ADGRL4: variants seen among roughly 807,000 people sequenced by gnomAD.
ADGRL4 encodes EGF, latrophilin and seven transmembrane domain containing 1.
In ADGRL4, 90 loss-of-function variants were observed where a neutral mutation model predicts 74.8. The ratio of observed to expected loss-of-function variants is 1.20; its 90% CI spans 1.02 to 1.43. The LOEUF is 1.43. ADGRL4 is among the 40% of genes most tolerant of loss of function. ADGRL4 has a pLI of 0.00. For missense variants in ADGRL4, 881 were observed against 814.3 expected, an observed-to-expected ratio of 1.08 and a Z score of -1.00; for synonymous variants, 311 against 279.2, an observed-to-expected ratio of 1.11 and a Z score of -1.14.
intron 1 of ADGRL4, 46 bp from the exon 2 acceptor site, chr1:79,005,265 A>C: frequency 7.2e-7 from 1 of 1,384,400 alleles, no homozygotes; most frequent in East Asian, 2.5e-5. Context: ...TAAAACAAAC[A>C]TCTCTCCCCA....
intron 2 of ADGRL4, among the ~76,000 whole-genome samples, chr1:78,996,667 T>A (rs1650722126): frequency 6.6e-6 from 1 of 152,210 alleles, no homozygotes; most frequent in Non-Finnish European, 1.5e-5. Flanking sequence ...CTTCCATGGT[T>A]GATCCTCTGT....
chr1:78,901,689 T>C (rs1325184414), intron 12 of ADGRL4, among the ~76,000 whole-genome samples: 1 of 152,202 alleles, frequency 6.6e-6, no homozygotes, highest in Admixed American at 6.5e-5. Flanking sequence ...ACAGCAAGTA[T>C]GATGCCACAG....
chr1:78,905,533 C>G (rs1406909069), intron 12 of ADGRL4, among the ~76,000 whole-genome samples: 1 of 151,958 alleles, frequency 6.6e-6, no homozygotes, highest in Non-Finnish European at 1.5e-5. Context: ...TTGATCACAA[C>G]TATGCCATAC....
chr1:79,005,938 A>C (rs116215139), intron 1 of ADGRL4, among the ~76,000 whole-genome samples: 7,348 of 152,314 alleles, frequency 0.048, 238 homozygotes, highest in Non-Finnish European at 0.073. Flanking sequence ...ACAAAAAAAA[A>C]TGAAACAAAA....
At chr1:78,947,526 T>C (rs1345682695) in intron 2 of ADGRL4, among the ~76,000 whole-genome samples, 1 of 152,150 alleles carries the variant, frequency 6.6e-6, no homozygotes. Flanking sequence ...GACACCTTGA[T>C]TTTAGACTTT....
chr1:78,948,708 G>A (rs1306770381), intron 2 of ADGRL4, among the ~76,000 whole-genome samples: 1 of 152,046 alleles, frequency 6.6e-6, no homozygotes, highest in Non-Finnish European at 1.5e-5. Context: ...GTATGTCTAT[G>A]AATGCATAAA....
intron 2 of ADGRL4, among the ~76,000 whole-genome samples, chr1:78,978,453 G>A (rs1650333236): frequency 6.6e-6 from 1 of 151,838 alleles, no homozygotes; most frequent in Non-Finnish European, 1.5e-5. Flanking sequence ...ACAATTTCCA[G>A]GTAAAAAATA....
intron 2 of ADGRL4, among the ~76,000 whole-genome samples, chr1:78,990,653 C>T (rs1650589186): frequency 6.6e-6 from 1 of 151,800 alleles, no homozygotes; most frequent in Non-Finnish European, 1.5e-5. Flanking sequence ...AATTCAAAGA[C>T]CAAAACACAT....
intron 2 of ADGRL4, among the ~76,000 whole-genome samples, chr1:78,965,385 A>C (rs1650035013): frequency 6.6e-6 from 1 of 152,196 alleles, no homozygotes; most frequent in African/African-American, 2.4e-5. Context: ...CAAACTTTGC[A>C]GACTAATAGA....
chr1:78,891,362 A>G (rs1384929073), intron 14 of ADGRL4, 146 bp from the exon 15 acceptor site: 13 of 1,214,930 alleles, frequency 1.1e-5, no homozygotes, highest in Non-Finnish European at 1.1e-6. Context: ...TTATATCCCT[A>G]ATACCAAGGT....
At chr1:78,892,185 G>A (rs372102927) in intron 13 of ADGRL4, among the ~76,000 whole-genome samples, 2 of 152,102 alleles carry the variant, frequency 1.3e-5, no homozygotes, top group African/African-American at 2.4e-5. Flanking sequence ...AGAAACGAAC[G>A]TGTAGGATAT....
At position 78,926,921 on chromosome 1, in the gene ADGRL4, G is replaced by C; in HGVS notation, c.1048C>G (p.Leu350Val). The C allele has an allele frequency of 6.2e-7, 1 of 1,611,620 alleles. No individual in the cohort carries two copies. The highest frequency in any genetic ancestry group is 8.5e-7 in the Non-Finnish European group (1 of 1,178,610). The change falls in exon 8 of 15, where the codon CTT becomes GTT. Residue 350 changes from leucine (L) to valine (V), a missense_variant. By Grantham distance (32) the Leu-to-Val change is conservative. Coordinates refer to ENST00000370742, the MANE Select transcript of ADGRL4 (RefSeq NM_022159.4). The stretch of plus-strand genomic sequence containing the variant: ...CTTAATGTAAATGTTATTTTTTCAA[G>C]TTCATATAATGTGGGTGGGTTTGAG... ...MSSNPPTLYE[L>V]EKITFTLSHR...
intron 8 of ADGRL4, among the ~76,000 whole-genome samples, chr1:78,925,752 T>A (rs1649096714): frequency 6.6e-6 from 1 of 152,056 alleles, no homozygotes; most frequent in African/African-American, 2.4e-5. Flanking sequence ...TTTGTTTAAA[T>A]ACGCGTTTTG....
chr1:78,936,318 C>A lies in ADGRL4; in HGVS notation c.854G>T (p.Arg285Ile). The stretch of plus-strand genomic sequence containing the variant: ...ACCATTTGAATCATATGCAGCTTTT[C>A]TCTTTGGAAATATATTTATGTAGTC... ...DGDYINIFPK[R>I]KAAYDSNGNV... The change falls in exon 7 of 15, where the codon AGA becomes ATA. Residue 285 changes from arginine to isoleucine, a missense_variant. Arg to Ile is a moderately conservative substitution (Grantham distance 97). Coordinates refer to ENST00000370742, the MANE Select transcript of ADGRL4 (RefSeq NM_022159.4). 1 of 1,593,162 alleles carries A rather than the reference C, an allele frequency of 6.3e-7. No individual in the cohort carries two copies. The highest frequency in any genetic ancestry group is 8.5e-7 in the Non-Finnish European group (1 of 1,171,730).
intron 12 of ADGRL4, among the ~76,000 whole-genome samples, chr1:78,912,948 C>T (rs973297410): frequency 2.6e-5 from 4 of 151,636 alleles, no homozygotes; most frequent in Non-Finnish European, 4.4e-5. Context: ...GAAGAAAAAA[C>T]AAACAACCCC....
chr1:78,996,338 C>CAGCTAATAT (rs112588621), intron 2 of ADGRL4, among the ~76,000 whole-genome samples: 65,438 of 151,474 alleles, frequency 0.43, 14,080 homozygotes, highest in East Asian at 0.59. Context: ...GATGTTAAGT[C>CAGCTAATAT]AGCTAATATA....
rs553060670 is a variant in ADGRL4 at position 78,946,565 on chromosome 1, G to C, written c.173-139C>G. 6.2e-5 allele frequency: 40 copies of C among 645,886 alleles called. No individual in the cohort carries two copies. In the South Asian group the frequency reaches 1.0e-3, roughly 17 times the overall value. The allele number at this position is 645,886 out of a possible 1,614,324, so 40.0% of individuals were successfully genotyped here. A position where few individuals can be genotyped will look rare whatever the true frequency, so the allele number is the denominator to read the frequency against. Reference sequence around the variant, plus strand: ...TATATCTACAAACCTTAGTGCTAAAGAATCCATATTCCACACTTCCTTATT... The same window carrying C: ...TATATCTACAAACCTTAGTGCTAAACAATCCATATTCCACACTTCCTTATT... On this transcript the variant is annotated intron_variant, in intron 2 of 14. Transcript: ENST00000370742.
intron 2 of ADGRL4, 71 bp from the exon 3 acceptor site, chr1:78,946,497 T>C: frequency 7.7e-7 from 1 of 1,306,610 alleles, no homozygotes; most frequent in African/African-American, 1.5e-5. Flanking sequence ...TCCATCAGTA[T>C]TTTGGAATAT....
At chr1:78,973,764 C>T (rs1458004544) in intron 2 of ADGRL4, among the ~76,000 whole-genome samples, 1 of 150,984 alleles carries the variant, frequency 6.6e-6, no homozygotes, top group East Asian at 1.9e-4. Context: ...ATAAAAAGTG[C>T]TAAAATATCC....
Sources: gnomAD v4.1 joint callset for allele counts (sites outside exome capture counted in the v4.1 genomes callset) on GRCh38, gnomAD v4.1.1 for gene constraint, MANE v1.5 for transcripts, NCBI Gene and HGNC (gene_info 2026-07-23, HGNC 2026-07-21) for gene names.